TBC1D32: variants seen among roughly 807,000 people sequenced by gnomAD.
TBC1D32 encodes TBC1 domain family member 32, also known as protein broad-minded.
A neutral mutation model predicts 170.3 loss-of-function variants in TBC1D32; 151 were observed. That is an observed-to-expected ratio of 0.89 (90% CI 0.78 to 1.01). The LOEUF is 1.01. TBC1D32 is among the 50% of genes least tolerant of loss of function. The pLI is 0.00. For synonymous variants in TBC1D32, 498 were observed against 488.0 expected (o/e 1.02, Z -0.27); for missense variants, 1,464 against 1,457.1 (o/e 1.00, Z -0.08).
rs767358318 is a variant in TBC1D32 at position 121,256,253 on chromosome 6, G to A, written c.1766C>T (p.Ser589Leu). 4.7e-5 allele frequency: 76 copies of A among 1,613,108 alleles called. No individual in the cohort carries two copies. Among genetic ancestry groups the A allele is most frequent in the Non-Finnish European group, 5.8e-5 (68 of 1,179,732 alleles). ...AATATCTTCATCGAGAAGTTTTTTCGAAAACTGGGCAATTATATGAGCACC... is the reference window on the plus strand; with the variant it reads ...AATATCTTCATCGAGAAGTTTTTTCAAAAACTGGGCAATTATATGAGCACC... ...PTGAHIIAQF[S>L]KKLLDEDISI... Residue 589 changes from serine to leucine, a missense_variant, in exon 16 of 32, where the codon TCG becomes TTG. By Grantham distance (145) the Ser-to-Leu change is moderately radical. Coordinates refer to ENST00000398212, the MANE Select transcript of TBC1D32 (RefSeq NM_152730.6).
intron 30 of TBC1D32, among the ~76,000 whole-genome samples, chr6:121,101,941 A>G (rs1038900972): frequency 6.6e-6 from 1 of 152,174 alleles, no homozygotes; most frequent in Non-Finnish European, 1.5e-5. Context: ...TTATACACCG[A>G]TAACAGACAA....
chr6:121,304,117 A>C (rs1806949496), intron 8 of TBC1D32, among the ~76,000 whole-genome samples: 1 of 152,014 alleles, frequency 6.6e-6, no homozygotes, highest in Non-Finnish European at 1.5e-5. Flanking sequence ...ACATTAAAAA[A>C]AAAAAAAAAC....
chr6:121,201,579 C>A (rs1791566178), intron 22 of TBC1D32, among the ~76,000 whole-genome samples: 1 of 151,196 alleles, frequency 6.6e-6, no homozygotes, highest in Non-Finnish European at 1.5e-5. Flanking sequence ...AAAATAATGA[C>A]CCCTGGAGAG....
chr6:121,115,285 G>T, intron 26 of TBC1D32, 44 bp from the exon 27 acceptor site: 1 of 1,371,460 alleles, frequency 7.3e-7, no homozygotes. Flanking sequence ...AGAAAAGTTT[G>T]CATAATAATC....
intron 25 of TBC1D32, 58 bp downstream of exon 25, chr6:121,131,569 A>G (rs1781442463): frequency 8.5e-6 from 13 of 1,530,738 alleles, no homozygotes; most frequent in Middle Eastern, 1.7e-4. Context: ...AGAACCACAG[A>G]TTCTATTAAT....
At chr6:121,226,273 C>T (rs960788441) in intron 20 of TBC1D32, among the ~76,000 whole-genome samples, 16 of 151,966 alleles carry the variant, frequency 1.1e-4, no homozygotes, top group Admixed American at 5.2e-4. Context: ...CTTACAATAG[C>T]GCCTAAATGT....
intron 24 of TBC1D32, among the ~76,000 whole-genome samples, chr6:121,153,084 T>C (rs1302514009): frequency 6.6e-6 from 1 of 152,202 alleles, no homozygotes; most frequent in Non-Finnish European, 1.5e-5. Context: ...AAAGGTGTTC[T>C]GGTTTTTGGA....
Position 121,080,868 on chromosome 6 carries a change from C to T in TBC1D32, c.3677G>A (p.Arg1226Gln), listed in dbSNP as rs1775569164. 2.5e-6 allele frequency: 4 copies of T among 1,613,608 alleles called. No individual in the cohort carries two copies. The highest frequency in any genetic ancestry group is 3.4e-6 in the Non-Finnish European group (4 of 1,179,786). The change falls in exon 32 of 32, where the codon CGA becomes CAA. Residue 1226 changes from arginine (R) to glutamine (Q), a missense_variant. This residue lies in a region of TBC1D32 where 97 missense variants were observed against 102.0 expected (regional missense o/e 0.95). Transcript: ENST00000398212. ...FLKEEALHGF[R>Q]VSDYFEYMEI... ...CATGTATTCAAAATAATCACTCACT[C>T]GAAACCCATGCAGTGCTTCTTCCTG...
intron 21 of TBC1D32, among the ~76,000 whole-genome samples, chr6:121,211,032 T>C (rs1792975459): frequency 6.6e-6 from 1 of 152,114 alleles, no homozygotes; most frequent in Non-Finnish European, 1.5e-5. Context: ...AAGCCAAGGC[T>C]ATTAATTTTG....
intron 22 of TBC1D32, among the ~76,000 whole-genome samples, chr6:121,162,268 C>G (rs1040789079): frequency 6.6e-6 from 1 of 152,226 alleles, no homozygotes; most frequent in South Asian, 2.1e-4. Flanking sequence ...AATCTTTGCC[C>G]ATGACTATGC....
intron 22 of TBC1D32, among the ~76,000 whole-genome samples, chr6:121,197,679 G>A (rs564701689): frequency 9.9e-5 from 15 of 152,220 alleles, no homozygotes; most frequent in Admixed American, 4.6e-4. Context: ...TATGTTAGGC[G>A]TAATTATGAT....
chr6:121,327,613 T>C lies in TBC1D32; in HGVS notation c.156-5819A>G, dbSNP rs557553533. On this transcript the variant is annotated intron_variant, in intron 1 of 31. Coordinates refer to ENST00000398212, the MANE Select transcript of TBC1D32 (RefSeq NM_152730.6). ...TAGTCTGGTAAAGGAAAGCAAGCCA[T>C]GTATGAGAGAGAATGGATAGAGGTT... Among the ~76,000 whole-genome samples, 347 of 152,284 alleles carry C rather than the reference T, an allele frequency of 2.3e-3. 1 individual carries two copies. The highest frequency in any genetic ancestry group is 8.1e-3 in the African/African-American group (335 of 41,570).
At chr6:121,210,909 T>C (rs1792944839) in intron 21 of TBC1D32, among the ~76,000 whole-genome samples, 2 of 152,114 alleles carry the variant, frequency 1.3e-5, no homozygotes, top group African/African-American at 4.8e-5. Context: ...ATACTGAACT[T>C]CTGACCTACA....
intron 20 of TBC1D32, among the ~76,000 whole-genome samples, chr6:121,225,417 T>A (rs532801620): frequency 6.6e-6 from 1 of 152,154 alleles, no homozygotes; most frequent in Non-Finnish European, 1.5e-5. Context: ...AAAGAATCTT[T>A]TCTACCATAA....
rs79594074 is a variant in TBC1D32 at position 121,222,778 on chromosome 6, C to A, written c.2481+458G>T. On this transcript the variant is annotated intron_variant, in intron 21 of 31. Transcript: ENST00000398212. ...AGTTACTTATCTGTGAATATTAGTA[C>A]AACATAGTTCTCAAATTAAATAAAT... Among the ~76,000 whole-genome samples, 1,161 of 152,296 alleles carry A rather than the reference C, an allele frequency of 7.6e-3. 19 individuals carry two copies. Among genetic ancestry groups the A allele is most frequent in the African/African-American group, 0.027 (1,113 of 41,564 alleles).
At chr6:121,296,659 C>T (rs1223983568) in intron 10 of TBC1D32, among the ~76,000 whole-genome samples, 2 of 152,010 alleles carry the variant, frequency 1.3e-5, no homozygotes, top group Non-Finnish European at 2.9e-5. Context: ...TCCATGGTTC[C>T]ATCATCTTTT....
chr6:121,223,286 G>T lies in TBC1D32; in HGVS notation c.2431C>A (p.Leu811Ile), dbSNP rs201397946. Residue 811 changes from leucine (L) to isoleucine (I), a missense_variant, in exon 21 of 32, where the codon CTT (leucine) becomes ATT (isoleucine). Transcript: ENST00000398212. ...AIYELVRNQD[L>I]PNKTEYSLRE... ...AGAGAATATTCTGTTTTATTAGGAA[G>T]ATCTTGATTCCTTACAAGCTCATAA... 1.4e-4 allele frequency: 221 copies of T among 1,594,022 alleles called. No homozygotes were observed. In the African/African-American group the frequency reaches 1.7e-3, roughly 12 times the overall value.
chr6:121,105,977 C>A, intron 30 of TBC1D32, 46 bp downstream of exon 30: 1 of 1,509,650 alleles, frequency 6.6e-7, no homozygotes, highest in Non-Finnish European at 8.9e-7. Context: ...TATTTGAAGA[C>A]ACTGAGATAA....
chr6:121,293,460 A>G (rs1277945717), intron 11 of TBC1D32, among the ~76,000 whole-genome samples: 2 of 152,190 alleles, frequency 1.3e-5, no homozygotes, highest in Non-Finnish European at 2.9e-5. Context: ...GAAGAAAAGT[A>G]TAAGATATCG....
Sources: gnomAD v4.1 joint callset for allele counts (sites outside exome capture counted in the v4.1 genomes callset) on GRCh38, gnomAD v4.1.1 for gene constraint, gnomAD v4.1.1 regional missense constraint, MANE v1.5 for transcripts, NCBI Gene and HGNC (gene_info 2026-07-23, HGNC 2026-07-21) for gene names.